The following ATP6V1A variants were observed in gnomAD, a reference collection of about 807,000 sequenced individuals.
ATP6V1A encodes ATPase H+ transporting V1 subunit A, also known as V-type proton ATPase catalytic subunit A.
In ATP6V1A, 18 loss-of-function variants were observed where a neutral mutation model predicts 70.1. That is an observed-to-expected ratio of 0.26 (90% CI 0.18 to 0.38). The LOEUF (loss-of-function observed/expected upper bound fraction) is 0.38. Ranked by LOEUF, ATP6V1A falls within the 10% of genes least tolerant of loss-of-function variation. The pLI, the probability that ATP6V1A is intolerant of heterozygous loss-of-function variation, is 1.00. For missense variants in ATP6V1A, 424 were observed against 772.4 expected (o/e 0.55, Z 5.35); for synonymous variants, 232 against 253.8 (o/e 0.91, Z 0.82).
rs532780358 is a variant in ATP6V1A at position 113,788,162 on chromosome 3, C to T, written c.717-551C>T. On this transcript the variant is annotated intron_variant, in intron 6 of 14. Coordinates refer to ENST00000273398, the MANE Select transcript of ATP6V1A (RefSeq NM_001690.4). ...TCTTGGGCTCAGGCGGTCCTCCCAC[C>T]TCAGTCTCCCAAAGCATTGGGATTA... is the stretch of plus-strand genomic sequence containing the variant. Among the ~76,000 whole-genome samples, 5 of 152,304 alleles carry T rather than the reference C, an allele frequency of 3.3e-5. No homozygotes were observed. The South Asian group carries it at 8.3e-4, about 25-fold the overall frequency.
intron 14 of ATP6V1A, 143 bp downstream of exon 14, chr3:113,805,668 A>T: frequency 4.8e-6 from 4 of 826,940 alleles, no homozygotes; most frequent in South Asian, 3.7e-5. Flanking sequence ...TCCTGGGTTC[A>T]AACGATTCTC....
chr3:113,811,567 T>A lies in ATP6V1A; in HGVS notation c.*2140T>A, dbSNP rs934108651. Reference sequence around the variant, plus strand: ...CAGCAAACTAGGATTGTGATAGCAATGAATGGTATGATGAAGAAAGTTTGA... The same window carrying A: ...CAGCAAACTAGGATTGTGATAGCAAAGAATGGTATGATGAAGAAAGTTTGA... On this transcript the variant is annotated 3_prime_UTR_variant, in exon 15 of 15. Coordinates refer to ENST00000273398, the MANE Select transcript of ATP6V1A (RefSeq NM_001690.4). 21 of 152,636 alleles carry A rather than the reference T, an allele frequency of 1.4e-4. 1 individual carries two copies. The highest frequency in any genetic ancestry group is 5.9e-5 in the Non-Finnish European group (4 of 68,034). 9.5% of individuals were successfully genotyped at this position (152,636 alleles called of 1,614,324 possible).
chr3:113,778,882 T>C, intron 2 of ATP6V1A, 47 bp downstream of exon 2: 1 of 1,229,302 alleles, frequency 8.1e-7, no homozygotes, highest in Non-Finnish European at 1.1e-6. Context: ...TAACTTTGAT[T>C]AATGTCTTTT....
chr3:113,753,525 C>CA (rs750156408), intron 1 of ATP6V1A, among the ~76,000 whole-genome samples: 13 of 151,926 alleles, frequency 8.6e-5, no homozygotes, highest in Non-Finnish European at 1.3e-4. Flanking sequence ...TTAGTAGTGG[C>CA]AAAAAACGTG....
intron 8 of ATP6V1A, among the ~76,000 whole-genome samples, chr3:113,792,495 G>C (rs1349538737): frequency 6.6e-6 from 1 of 152,104 alleles, no homozygotes; most frequent in Non-Finnish European, 1.5e-5. Context: ...GAGCCACCAT[G>C]CCTGGCTAAT....
At chr3:113,800,121 A>G (rs1307319793) in intron 12 of ATP6V1A, among the ~76,000 whole-genome samples, 1 of 151,946 alleles carries the variant, frequency 6.6e-6, no homozygotes, top group Non-Finnish European at 1.5e-5. Context: ...AATGCCAGCT[A>G]CTTGAGAGGC....
At chr3:113,779,112 T>A (rs1038449929) in intron 2 of ATP6V1A, 1 of 234,028 alleles carries the variant, frequency 4.3e-6, no homozygotes, top group African/African-American at 2.3e-5. Flanking sequence ...TTTATATGTC[T>A]TAATTTTTTG....
chr3:113,782,516 TCTTTC>T (rs1285187229), intron 3 of ATP6V1A, among the ~76,000 whole-genome samples: 1 of 145,096 alleles, frequency 6.9e-6, no homozygotes, highest in Non-Finnish European at 1.5e-5. Flanking sequence ...TTTGTATTTT[TCTTTC>T]CTTTCTCTCT....
In ATP6V1A at chr3:113,809,282, G is replaced by A. The variant is rs141038991; in HGVS notation, c.1762-53G>A. The A allele has an allele frequency of 1.1e-3, 1,669 of 1,457,902 alleles. 23 individuals are homozygous for A. In the African/African-American group the frequency reaches 0.021, roughly 18 times the overall value. The allele number at this position is 1,457,902 out of a possible 1,614,324, so 90.3% of individuals were successfully genotyped here. ...AAAAAAAAAAAGTAACTTAACATACGTAATGAAAATTATTTTCCAAATGCG... is the reference window on the plus strand; with the variant it reads ...AAAAAAAAAAAGTAACTTAACATACATAATGAAAATTATTTTCCAAATGCG... On this transcript the variant is annotated intron_variant, in intron 14 of 14. Transcript: ENST00000273398.
At chr3:113,799,193 A>G (rs1177109317) in intron 12 of ATP6V1A, among the ~76,000 whole-genome samples, 1 of 152,160 alleles carries the variant, frequency 6.6e-6, no homozygotes, top group African/African-American at 2.4e-5. Flanking sequence ...TACTTAATAA[A>G]ATATTAAATA....
intron 12 of ATP6V1A, among the ~76,000 whole-genome samples, chr3:113,800,976 G>A (rs574910099): frequency 6.6e-5 from 10 of 152,102 alleles, no homozygotes; most frequent in African/African-American, 2.4e-4. Flanking sequence ...GCAACATGAC[G>A]AGACCTTGTC....
intron 13 of ATP6V1A, among the ~76,000 whole-genome samples, chr3:113,803,959 C>A (rs564103604): frequency 3.9e-5 from 6 of 152,236 alleles, no homozygotes; most frequent in Non-Finnish European, 5.9e-5. Context: ...CCTTCAGAAG[C>A]CTTCTTCATT....
intron 14 of ATP6V1A, 76 bp from the exon 15 acceptor site, chr3:113,809,255 CAAAA>C: frequency 9.9e-7 from 1 of 1,009,978 alleles, no homozygotes; most frequent in Non-Finnish European, 1.4e-6. Flanking sequence ...ACTCTGCCTC[CAAAA>C]AAAAAAAAGT....
intron 3 of ATP6V1A, among the ~76,000 whole-genome samples, chr3:113,782,587 CATATAT>C (rs527941453): frequency 4.3e-5 from 6 of 140,618 alleles, no homozygotes; most frequent in Non-Finnish European, 9.2e-5. Context: ...TATATATACA[CATATAT>C]ATATATATAC....
At chr3:113,753,904 C>G (rs1708618375) in intron 1 of ATP6V1A, among the ~76,000 whole-genome samples, 1 of 151,418 alleles carries the variant, frequency 6.6e-6, no homozygotes, top group Admixed American at 6.6e-5. Flanking sequence ...ACCTTATTGC[C>G]CAGGCCATCA....
At chr3:113,787,685 A>G (rs1037663418) in intron 6 of ATP6V1A, among the ~76,000 whole-genome samples, 1 of 152,252 alleles carries the variant, frequency 6.6e-6, no homozygotes, top group Admixed American at 6.5e-5. Flanking sequence ...CTTTTTAAAA[A>G]TAAAGAATTG....
At position 113,787,604 on chromosome 3, in the gene ATP6V1A, A is replaced by G. The variant is rs545171074; in HGVS notation, c.717-1109A>G. Among the ~76,000 whole-genome samples, 65 of 152,328 alleles carry G rather than the reference A, an allele frequency of 4.3e-4. 2 individuals carry two copies. In the South Asian group the frequency reaches 0.01, roughly 24 times the overall value. On this transcript the variant is annotated intron_variant, in intron 6 of 14. Coordinates refer to ENST00000273398, the MANE Select transcript of ATP6V1A (RefSeq NM_001690.4). The stretch of plus-strand genomic sequence containing the variant: ...ACCAAGCAATTTATTATGTCACTCA[A>G]TAAACCAAAAGCATGCACAGGAATA...
At chr3:113,781,327 G>A (rs1247955856) in intron 3 of ATP6V1A, 149 bp downstream of exon 3, 2 of 842,854 alleles carry the variant, frequency 2.4e-6, no homozygotes, top group Admixed American at 6.0e-5. Flanking sequence ...GACCAGCCTG[G>A]CCAACATGGT....
At chr3:113,757,083 A>G (rs923794944) in intron 1 of ATP6V1A, among the ~76,000 whole-genome samples, 1 of 152,228 alleles carries the variant, frequency 6.6e-6, no homozygotes, top group African/African-American at 2.4e-5. Context: ...TATGAATCTA[A>G]GAAGCAGATT....
Sources: allele counts gnomAD v4.1 joint callset (sites outside exome capture counted in the v4.1 genomes callset), GRCh38; gene constraint gnomAD v4.1.1; transcripts MANE v1.5; gene names NCBI Gene and HGNC (gene_info 2026-07-23, HGNC 2026-07-21).